The following SERP2 variants were observed in gnomAD, a reference collection of about 807,000 sequenced individuals.
SERP2 encodes stress associated endoplasmic reticulum protein family member 2, also known as stress-associated endoplasmic reticulum protein 2.
In SERP2, 6 loss-of-function variants were observed where a neutral mutation model predicts 9.1. The ratio of observed to expected loss-of-function variants is 0.66; its 90% CI spans 0.36 to 1.30. The LOEUF is 1.30. SERP2 is among the 50% of genes most tolerant of loss of function. The pLI is 0.03. For synonymous variants in SERP2, 37 were observed against 27.3 expected, an observed-to-expected ratio of 1.35 and a Z score of -1.10; for missense variants, 58 against 81.9, an observed-to-expected ratio of 0.71 and a Z score of 1.13.
At chr13:44,375,122 G>T (rs73186919) in intron 1 of SERP2, among the ~76,000 whole-genome samples, 1 of 152,092 alleles carries the variant, frequency 6.6e-6, no homozygotes, top group Admixed American at 6.5e-5. Flanking sequence ...CTGTTACCCC[G>T]TACAGTTAAG....
At chr13:44,393,629 T>C (rs985143463) in intron 2 of SERP2, among the ~76,000 whole-genome samples, 4 of 152,156 alleles carry the variant, frequency 2.6e-5, no homozygotes, top group Non-Finnish European at 5.9e-5. Flanking sequence ...TGTTCTGCTG[T>C]TTTCTCAGCT....
intron 2 of SERP2, among the ~76,000 whole-genome samples, chr13:44,380,879 A>G (rs1042461246): frequency 6.6e-6 from 1 of 152,162 alleles, no homozygotes; most frequent in African/African-American, 2.4e-5. Flanking sequence ...GAATTACACT[A>G]TGCTGTCTTC....
At position 44,394,607 on chromosome 13, in the gene SERP2, A is replaced by G. The variant is rs147856497; in HGVS notation, c.158-2665A>G. 2.4e-3 allele frequency among the ~76,000 whole-genome samples: 365 copies of G among 152,362 alleles called. 1 individual carries two copies. Among genetic ancestry groups the G allele is most frequent in the African/African-American group, 8.2e-3 (342 of 41,582 alleles). Reference sequence around the variant, plus strand: ...TGATAAGTTTTTGTCTAAGGGCAAGAGTAAGCGAGAAGTAATATTTTTGAG... The same window carrying G: ...TGATAAGTTTTTGTCTAAGGGCAAGGGTAAGCGAGAAGTAATATTTTTGAG... On this transcript the variant is annotated intron_variant, in intron 2 of 2. Transcript: ENST00000379179.
intron 1 of SERP2, among the ~76,000 whole-genome samples, chr13:44,375,851 C>T (rs1029999361): frequency 1.3e-4 from 19 of 151,900 alleles, no homozygotes; most frequent in African/African-American, 4.1e-4. Flanking sequence ...TGTTTGGGAC[C>T]CAAAACAAAA....
At chr13:44,386,908 A>G (rs953438425) in intron 2 of SERP2, among the ~76,000 whole-genome samples, 1 of 152,182 alleles carries the variant, frequency 6.6e-6, no homozygotes, top group Admixed American at 6.5e-5. Flanking sequence ...CAGTGCCCTC[A>G]TAAGAGACTT....
intron 2 of SERP2, among the ~76,000 whole-genome samples, chr13:44,395,311 A>C (rs1329861833): frequency 6.6e-6 from 1 of 152,186 alleles, no homozygotes; most frequent in Non-Finnish European, 1.5e-5. Context: ...GCTCCTGTTA[A>C]GACCCACCCA....
chr13:44,386,625 C>T (rs577901905), intron 2 of SERP2, among the ~76,000 whole-genome samples: 3 of 152,228 alleles, frequency 2.0e-5, no homozygotes, highest in East Asian at 1.9e-4. Flanking sequence ...CTCAAGTGAT[C>T]GGCCCTCCTC....
rs1236317119 is a variant in SERP2, at chr13:44,377,420, G to A, written c.85-2221G>A. On this transcript the variant is annotated intron_variant, in intron 1 of 2. Transcript: ENST00000379179. The stretch of plus-strand genomic sequence containing the variant: ...GAAGGTGGTGGAAGAGGGTGGGAAG[G>A]GCGAATGTCACACTTTGTTCAGGTA... 2.6e-5 allele frequency among the ~76,000 whole-genome samples: 4 copies of A among 152,320 alleles called. No individual in the cohort carries two copies. The East Asian group carries it at 7.7e-4, about 29-fold the overall frequency.
rs527502944 is a variant in SERP2 at position 44,383,652 on chromosome 13, A to G, written c.157+3939A>G. 8.2e-4 allele frequency among the ~76,000 whole-genome samples: 121 copies of G among 148,322 alleles called. 1 individual carries two copies. The South Asian group carries it at 8.6e-3, about 11-fold the overall frequency. On this transcript the variant is annotated intron_variant, in intron 2 of 2. Transcript: ENST00000379179. ...AACCTCCACCTCCCAGGTTCAAGCG[A>G]TTCTCCTGCCTCAGCCTCCTGAGTA... is the stretch of plus-strand genomic sequence containing the variant.
At chr13:44,395,529 G>A (rs1873041093) in intron 2 of SERP2, among the ~76,000 whole-genome samples, 1 of 151,246 alleles carries the variant, frequency 6.6e-6, no homozygotes, top group Non-Finnish European at 1.5e-5. Flanking sequence ...GCGTGAACCG[G>A]GGAGGCGGAG....
At chr13:44,394,866 C>A (rs1459741086) in intron 2 of SERP2, among the ~76,000 whole-genome samples, 1 of 152,204 alleles carries the variant, frequency 6.6e-6, no homozygotes, top group East Asian at 1.9e-4. Flanking sequence ...GGCAGTGAGT[C>A]CTCCATGTGT....
In SERP2 at chr13:44,394,276, T is replaced by C. The variant is rs186765157; in HGVS notation, c.158-2996T>C. Among the ~76,000 whole-genome samples, 870 of 152,244 alleles carry C rather than the reference T, an allele frequency of 5.7e-3. 9 individuals carry two copies. Among genetic ancestry groups the C allele is most frequent in the African/African-American group, 0.019 (794 of 41,536 alleles). Reference sequence around the variant, plus strand: ...CCTCAGCCTCCCAAGTAGCTGGCACTACCACACCCAGCTAATTTTTGTATT... The same window carrying C: ...CCTCAGCCTCCCAAGTAGCTGGCACCACCACACCCAGCTAATTTTTGTATT... On this transcript the variant is annotated intron_variant, in intron 2 of 2. Transcript: ENST00000379179.
At chr13:44,388,060 A>G (rs529371388) in intron 2 of SERP2, among the ~76,000 whole-genome samples, 39 of 152,210 alleles carry the variant, frequency 2.6e-4, no homozygotes, top group Non-Finnish European at 5.0e-4. Context: ...ATAGTTTCCA[A>G]ATTTGTCAAT....
intron 1 of SERP2, 62 bp downstream of exon 1, chr13:44,374,171 T>TGGGGGGGG: frequency 1.1e-5 from 1 of 94,470 alleles, no homozygotes; most frequent in Non-Finnish European, 1.7e-5. Flanking sequence ...GGGCGGAAGG[T>TGGGGGGGG]GGGGGCGGGG....
chr13:44,377,111 A>G (rs1184220004), intron 1 of SERP2, among the ~76,000 whole-genome samples: 1 of 152,242 alleles, frequency 6.6e-6, no homozygotes, highest in East Asian at 1.9e-4. Context: ...TATGGGTACT[A>G]TGATCAGCCA....
chr13:44,387,051 C>G (rs1872357356), intron 2 of SERP2, among the ~76,000 whole-genome samples: 1 of 152,188 alleles, frequency 6.6e-6, no homozygotes, highest in African/African-American at 2.4e-5. Context: ...CTTTGGAGAG[C>G]TGTTTGAAAG....
At chr13:44,385,356 A>G (rs1054459979) in intron 2 of SERP2, among the ~76,000 whole-genome samples, 15 of 152,174 alleles carry the variant, frequency 9.9e-5, no homozygotes, top group Non-Finnish European at 2.9e-5. Context: ...CCTGGCATAA[A>G]CACGCACTCA....
At chr13:44,394,965 T>G (rs1873000674) in intron 2 of SERP2, among the ~76,000 whole-genome samples, 1 of 152,180 alleles carries the variant, frequency 6.6e-6, no homozygotes, top group Non-Finnish European at 1.5e-5. Context: ...GGAAGCAGCC[T>G]CTAAGAGATT....
rs1338699170 is a variant in SERP2, at chr13:44,374,161, G to GA, written c.84+52_84+53insA. On this transcript the variant is annotated intron_variant, in intron 1 of 2. Transcript: ENST00000379179. Reference sequence around the variant, plus strand: ...CAGAGCCCTGCAGCCCGGCGGGGTGGGGCGGAAGGTGGGGGCGGGGCCGGG... The same window carrying GA: ...CAGAGCCCTGCAGCCCGGCGGGGTGGAGGCGGAAGGTGGGGGCGGGGCCGGG... 2.7e-5 allele frequency: 16 copies of GA among 588,544 alleles called. 1 individual carries two copies. The South Asian group carries it at 5.1e-4, about 19-fold the overall frequency. 36.5% of individuals were successfully genotyped at this position (588,544 alleles called of 1,614,324 possible). A position where few individuals can be genotyped will look rare whatever the true frequency, so the allele number is the denominator to read the frequency against.
Sources: allele counts gnomAD v4.1 joint callset (sites outside exome capture counted in the v4.1 genomes callset), GRCh38; gene constraint gnomAD v4.1.1; transcripts MANE v1.5; gene names NCBI Gene and HGNC (gene_info 2026-07-23, HGNC 2026-07-21).